DNAJC5B: variants seen among roughly 807,000 people sequenced by gnomAD.
DNAJC5B encodes dnaJ homolog subfamily C member 5B.
A neutral mutation model predicts 24.7 loss-of-function variants in DNAJC5B; 23 were observed. The ratio of observed to expected loss-of-function variants is 0.93; its 90% confidence interval spans 0.67 to 1.32. DNAJC5B has a LOEUF of 1.32. Ranked by LOEUF, DNAJC5B falls within the 40% of genes most tolerant of loss-of-function variation. DNAJC5B has a pLI of 0.00. For synonymous variants in DNAJC5B, 101 were observed against 90.1 expected, an observed-to-expected ratio of 1.12 and a Z score of -0.68; for missense variants, 238 against 240.8, an observed-to-expected ratio of 0.99 and a Z score of 0.08.
intron 5 of DNAJC5B, among the ~76,000 whole-genome samples, chr8:66,082,734 T>C (rs1350429067): frequency 1.3e-5 from 2 of 152,128 alleles, no homozygotes; most frequent in African/African-American, 2.4e-5. Context: ...TTTACACAAT[T>C]TGGGCAAACC....
intron 3 of DNAJC5B, among the ~76,000 whole-genome samples, chr8:66,058,169 C>A (rs910490814): frequency 2.0e-5 from 3 of 152,202 alleles, no homozygotes; most frequent in Non-Finnish European, 2.9e-5. Context: ...TTTTCTCATT[C>A]TTTTCTTATT....
Position 66,076,653 on chromosome 8 carries a change from T to G in DNAJC5B, c.120-7T>G, listed in dbSNP as rs1465699963. ...ACACTCTCCTTGTTTTTCTTTTATT[T>G]TAAAAGAAAATTGGCCCTGAAACAC... On this transcript the variant is annotated splice_polypyrimidine_tract_variant and splice_region_variant and intron_variant, in intron 3 of 5. Transcript: ENST00000276570. 1.2e-6 allele frequency: 2 copies of G among 1,613,500 alleles called. No homozygotes were observed. Among genetic ancestry groups the G allele is most frequent in the Admixed American group, 3.3e-5 (2 of 59,908 alleles).
intron 3 of DNAJC5B, among the ~76,000 whole-genome samples, chr8:66,073,205 A>G (rs2128963240): frequency 6.6e-6 from 1 of 152,270 alleles, no homozygotes; most frequent in East Asian, 1.9e-4. Context: ...TCAACATACA[A>G]CAATTATTTC....
intron 1 of DNAJC5B, among the ~76,000 whole-genome samples, chr8:66,039,905 T>G (rs1806570881): frequency 6.6e-6 from 1 of 152,204 alleles, no homozygotes; most frequent in South Asian, 2.1e-4. Context: ...TTGTTCCCAT[T>G]TTGGGGGGCA....
chr8:66,058,951 T>C (rs946291040), intron 3 of DNAJC5B, among the ~76,000 whole-genome samples: 1 of 152,188 alleles, frequency 6.6e-6, no homozygotes, highest in Non-Finnish European at 1.5e-5. Flanking sequence ...AGTGAAAATA[T>C]CAGGTACTAC....
intron 1 of DNAJC5B, among the ~76,000 whole-genome samples, chr8:66,027,305 C>T (rs540897569): frequency 1.2e-3 from 181 of 152,314 alleles, no homozygotes; most frequent in African/African-American, 4.3e-3. Context: ...TAGACATCTT[C>T]CTCCAATATG....
intron 3 of DNAJC5B, among the ~76,000 whole-genome samples, chr8:66,055,623 C>T (rs1806944756): frequency 1.4e-5 from 2 of 140,604 alleles, no homozygotes; most frequent in Non-Finnish European, 2.9e-5. Context: ...GTATACCCTT[C>T]TAGAGAGATC....
At chr8:66,028,374 G>A (rs1563584331) in intron 1 of DNAJC5B, among the ~76,000 whole-genome samples, 1 of 152,148 alleles carries the variant, frequency 6.6e-6, no homozygotes, top group Non-Finnish European at 1.5e-5. Context: ...GGAAACACAA[G>A]GACACCAGGA....
intron 2 of DNAJC5B, among the ~76,000 whole-genome samples, chr8:66,047,411 G>A (rs983624392): frequency 6.6e-6 from 1 of 152,200 alleles, no homozygotes; most frequent in African/African-American, 2.4e-5. Context: ...GGTTCTATCA[G>A]GTCTTGCAGG....
At chr8:66,079,915 C>T (rs1807553767) in intron 4 of DNAJC5B, among the ~76,000 whole-genome samples, 1 of 152,070 alleles carries the variant, frequency 6.6e-6, no homozygotes, top group Non-Finnish European at 1.5e-5. Context: ...ACTTGGTGAC[C>T]AGCAGGAATG....
chr8:66,078,993 G>A (rs1305665524), intron 4 of DNAJC5B, among the ~76,000 whole-genome samples: 4 of 152,152 alleles, frequency 2.6e-5, no homozygotes, highest in East Asian at 1.9e-4. Context: ...TCAATTAAAG[G>A]TGTATAAACC....
intron 5 of DNAJC5B, among the ~76,000 whole-genome samples, chr8:66,080,935 TC>T (rs1807583103): frequency 6.6e-6 from 1 of 152,178 alleles, no homozygotes; most frequent in African/African-American, 2.4e-5. Context: ...CTTTAAGATC[TC>T]CTTTGAAATA....
At chr8:66,044,336 T>G (rs966561307) in intron 2 of DNAJC5B, among the ~76,000 whole-genome samples, 1 of 152,120 alleles carries the variant, frequency 6.6e-6, no homozygotes. Flanking sequence ...GGAAAGTGTG[T>G]TTGCTGTGTT....
chr8:66,075,174 C>T (rs954912096), intron 3 of DNAJC5B, among the ~76,000 whole-genome samples: 7 of 152,152 alleles, frequency 4.6e-5, no homozygotes, highest in African/African-American at 1.7e-4. Context: ...TCAAGCAATT[C>T]TCCTGCCTCA....
At chr8:66,021,943 G>T (rs573049797) in intron 1 of DNAJC5B, among the ~76,000 whole-genome samples, 1 of 152,100 alleles carries the variant, frequency 6.6e-6, no homozygotes, top group Non-Finnish European at 1.5e-5. Context: ...GCTCCTCCCC[G>T]GATGACAGGG....
chr8:66,063,008 T>C (rs1354519478), intron 3 of DNAJC5B, among the ~76,000 whole-genome samples: 1 of 152,170 alleles, frequency 6.6e-6, no homozygotes, highest in Non-Finnish European at 1.5e-5. Flanking sequence ...AGACCCTGAC[T>C]CTAAAAAACA....
upstream of DNAJC5B, among the ~76,000 whole-genome samples, chr8:66,017,934 A>G (rs1805997199): frequency 6.6e-6 from 1 of 152,220 alleles, no homozygotes; most frequent in Non-Finnish European, 1.5e-5. Flanking sequence ...AATAAGAACA[A>G]AATTCCTTTC....
At chr8:66,096,599 A>T (rs1807958576) in intron 5 of DNAJC5B, among the ~76,000 whole-genome samples, 1 of 152,162 alleles carries the variant, frequency 6.6e-6, no homozygotes, top group South Asian at 2.1e-4. Flanking sequence ...TTGGTGAATT[A>T]AACATTTTAT....
chr8:66,078,676 A>C (rs1201829261), intron 4 of DNAJC5B, among the ~76,000 whole-genome samples: 1 of 152,202 alleles, frequency 6.6e-6, no homozygotes, highest in African/African-American at 2.4e-5. Flanking sequence ...GGAGACTGTT[A>C]GTGAGGTGGC....
Sources: allele counts gnomAD v4.1 joint callset (sites outside exome capture counted in the v4.1 genomes callset), GRCh38; gene constraint gnomAD v4.1.1; transcripts MANE v1.5; gene names NCBI Gene and HGNC (gene_info 2026-07-23, HGNC 2026-07-21).